The following PTPRG variants were observed in gnomAD, a reference collection of about 807,000 sequenced individuals.
PTPRG encodes the protein receptor-type tyrosine-protein phosphatase gamma.
PTPRG carries 102 observed loss-of-function variants against 165.3 expected under a neutral mutation model. That is an observed-to-expected ratio of 0.62 (90% confidence interval 0.53 to 0.73). The LOEUF (loss-of-function observed/expected upper bound fraction) is 0.73, where lower values mean the gene tolerates loss of function less well. Among genes scored for constraint, PTPRG ranks in the 30% least tolerant of loss-of-function variants. PTPRG has a pLI of 0.00. For missense variants in PTPRG, 1,866 were observed against 1,861.4 expected (o/e 1.00, Z -0.05); for synonymous variants, 675 against 669.5 (o/e 1.01, Z -0.13).
At position 61,671,131 on chromosome 3, in the gene PTPRG, G is replaced by T. The variant is rs905883072; in HGVS notation, c.86-77747G>T. On this transcript the variant is annotated intron_variant, in intron 1 of 29. Coordinates refer to ENST00000474889, the MANE Select transcript of PTPRG (RefSeq NM_002841.4). Reference sequence around the variant, plus strand: ...CTTAGGACTTCTCCTGATACTGTATGAACTTTCTTTTTTTTTTTTTTTTTT... The same window carrying T: ...CTTAGGACTTCTCCTGATACTGTATTAACTTTCTTTTTTTTTTTTTTTTTT... Among the ~76,000 whole-genome samples, 4 of 128,996 alleles carry T rather than the reference G, an allele frequency of 3.1e-5. No individual in the cohort carries two copies. In the East Asian group the frequency reaches 9.7e-4, roughly 31 times the overall value. The allele number at this position is 128,996 out of a possible 152,430, so 84.6% of individuals were successfully genotyped here. A position where few individuals can be genotyped will look rare whatever the true frequency, so the allele number is the denominator to read the frequency against.
At position 61,581,227 on chromosome 3, in the gene PTPRG, T is replaced by C. The variant is rs138634337; in HGVS notation, c.85+18855T>C. On this transcript the variant is annotated intron_variant, in intron 1 of 29. Transcript: ENST00000474889. ...GGAGGAGGCGTTGTAAATCTAGTCG[T>C]TAATTCCCCCAGAGAAAGTTGCCAG... Among the ~76,000 whole-genome samples the C allele has an allele frequency of 2.2e-4, 34 of 152,348 alleles. No individual in the cohort carries two copies. In the East Asian group the frequency reaches 6.6e-3, roughly 29 times the overall value.
At position 61,651,153 on chromosome 3, in the gene PTPRG, G is replaced by C. The variant is rs528800578; in HGVS notation, c.85+88781G>C. Among the ~76,000 whole-genome samples the C allele has an allele frequency of 1.6e-3, 235 of 149,874 alleles. 4 individuals are homozygous for C. The highest frequency in any genetic ancestry group is 5.4e-3 in the African/African-American group (220 of 40,756). On this transcript the variant is annotated intron_variant, in intron 1 of 29. Transcript: ENST00000474889. ...CTTTCTCTTTTTTTTTTTTTTAAAG[G>C]AAAAACATAATTTCTATATACTACC...
intron 5 of PTPRG, among the ~76,000 whole-genome samples, chr3:62,100,466 C>G (rs1230897895): frequency 6.6e-6 from 1 of 152,114 alleles, no homozygotes; most frequent in Non-Finnish European, 1.5e-5. Context: ...TTATGTCTTT[C>G]AGTTTCTGTG....
chr3:61,578,155 G>A (rs919316691), intron 1 of PTPRG, among the ~76,000 whole-genome samples: 2 of 152,200 alleles, frequency 1.3e-5, no homozygotes, highest in Non-Finnish European at 2.9e-5. Flanking sequence ...GTGCTACATC[G>A]TGGGACCTGT....
intron 1 of PTPRG, among the ~76,000 whole-genome samples, chr3:61,652,315 A>G (rs1428002105): frequency 1.3e-5 from 2 of 152,118 alleles, no homozygotes; most frequent in Non-Finnish European, 2.9e-5. Flanking sequence ...AAAGTAAGTA[A>G]ATAAAAAATA....
intron 2 of PTPRG, among the ~76,000 whole-genome samples, chr3:61,896,161 C>T (rs548935884): frequency 6.6e-6 from 1 of 152,222 alleles, no homozygotes; most frequent in South Asian, 2.1e-4. Flanking sequence ...CTGAACAGTT[C>T]CAATACCATA....
chr3:61,978,049 GC>G (rs2040549668), intron 2 of PTPRG, among the ~76,000 whole-genome samples: 1 of 152,092 alleles, frequency 6.6e-6, no homozygotes, highest in Non-Finnish European at 1.5e-5. Context: ...ACGGGGTTTC[GC>G]CTTGCTGGCC....
intron 4 of PTPRG, among the ~76,000 whole-genome samples, chr3:62,040,976 A>G (rs775170912): frequency 1.3e-5 from 2 of 152,328 alleles, no homozygotes; most frequent in East Asian, 3.9e-4. Flanking sequence ...TGGGATGCAG[A>G]TGAACAGACC....
intron 1 of PTPRG, among the ~76,000 whole-genome samples, chr3:61,623,504 G>T (rs914446130): frequency 1.3e-5 from 2 of 152,176 alleles, no homozygotes; most frequent in African/African-American, 4.8e-5. Flanking sequence ...GGAGCAGGAA[G>T]AGGCTCCCGA....
intron 2 of PTPRG, among the ~76,000 whole-genome samples, chr3:61,977,996 C>T (rs1281688047): frequency 6.6e-6 from 1 of 152,158 alleles, no homozygotes; most frequent in Admixed American, 6.5e-5. Flanking sequence ...GGATTGCAGG[C>T]ACCTGCCACC....
At chr3:61,706,175 T>A (rs1332526890) in intron 1 of PTPRG, among the ~76,000 whole-genome samples, 1 of 150,158 alleles carries the variant, frequency 6.7e-6, no homozygotes, top group Non-Finnish European at 1.5e-5. Flanking sequence ...GGGCTATCAC[T>A]AAAAAAAGAA....
intron 2 of PTPRG, among the ~76,000 whole-genome samples, chr3:61,850,187 G>A (rs891186015): frequency 6.6e-6 from 1 of 151,610 alleles, no homozygotes; most frequent in Non-Finnish European, 1.5e-5. Flanking sequence ...TTTTGAAACC[G>A]AGTCTTGCTC....
intron 8 of PTPRG, among the ~76,000 whole-genome samples, chr3:62,178,369 T>C (rs1416730505): frequency 4.0e-4 from 61 of 152,302 alleles, no homozygotes; most frequent in Admixed American, 3.9e-3. Flanking sequence ...GTTTGCACAA[T>C]TGGGACATGT....
At chr3:61,818,731 G>C (rs1480102162) in intron 2 of PTPRG, among the ~76,000 whole-genome samples, 5 of 152,014 alleles carry the variant, frequency 3.3e-5, no homozygotes, top group Admixed American at 3.3e-4. Flanking sequence ...ACCAAAATAT[G>C]TGTGATAGGA....
chr3:62,057,100 C>T (rs1309750202), intron 4 of PTPRG, among the ~76,000 whole-genome samples: 1 of 152,182 alleles, frequency 6.6e-6, no homozygotes, highest in African/African-American at 2.4e-5. Context: ...ACTCTGATGG[C>T]AGACTGAAAG....
At chr3:62,266,377 A>T (rs1172193363) in intron 17 of PTPRG, among the ~76,000 whole-genome samples, 9 of 152,172 alleles carry the variant, frequency 5.9e-5, no homozygotes, top group Admixed American at 5.9e-4. Context: ...GGATGTTACC[A>T]AATCACCTCC....
intron 4 of PTPRG, among the ~76,000 whole-genome samples, chr3:62,028,541 A>C (rs751572813): frequency 1.3e-5 from 2 of 152,220 alleles, no homozygotes; most frequent in African/African-American, 4.8e-5. Flanking sequence ...CTTTCCATTC[A>C]TATTTAAGCC....
intron 6 of PTPRG, among the ~76,000 whole-genome samples, chr3:62,141,661 G>A (rs9877248): frequency 0.14 from 21,003 of 151,706 alleles, 1,695 homozygotes; most frequent in East Asian, 0.37. Context: ...ACATTGTGGG[G>A]GGACGAGGCT....
At chr3:61,813,890 CT>C (rs58457367) in intron 2 of PTPRG, among the ~76,000 whole-genome samples, 363 of 133,374 alleles carry the variant, frequency 2.7e-3, no homozygotes, top group Non-Finnish European at 2.9e-3. Context: ...GAGATACTGG[CT>C]TTTTTTTTTT....
Sources: gnomAD v4.1 joint callset for allele counts (sites outside exome capture counted in the v4.1 genomes callset) on GRCh38, gnomAD v4.1.1 for gene constraint, MANE v1.5 for transcripts, NCBI Gene and HGNC (gene_info 2026-07-23, HGNC 2026-07-21) for gene names.